Variants in ARHGEF11 observed in about 807,000 individuals in gnomAD.
ARHGEF11 encodes Rho guanine exchange factor (GEF) 11.
ARHGEF11 carries 55 observed loss-of-function variants against 193.7 expected under a neutral mutation model. The ratio of observed to expected loss-of-function variants is 0.28; its 90% CI spans 0.23 to 0.36. The LOEUF is 0.36. ARHGEF11 is among the 10% of genes least tolerant of loss of function. The pLI is 1.00. For synonymous variants in ARHGEF11, 693 were observed against 768.0 expected (o/e 0.90, Z 1.62); for missense variants, 1,723 against 2,005.6 (o/e 0.86, Z 2.69).
intron 1 of ARHGEF11, among the ~76,000 whole-genome samples, chr1:157,043,819 T>C (rs1000179255): frequency 6.6e-6 from 1 of 152,170 alleles, no homozygotes; most frequent in Admixed American, 6.5e-5. Flanking sequence ...CCTCTTCATT[T>C]CTAGAAATGG....
intron 22 of ARHGEF11, among the ~76,000 whole-genome samples, chr1:156,950,492 T>C (rs932764537): frequency 6.6e-6 from 1 of 151,626 alleles, no homozygotes; most frequent in Non-Finnish European, 1.5e-5. Context: ...AAAAATCAAT[T>C]AGCCAGGTGC....
intron 1 of ARHGEF11, among the ~76,000 whole-genome samples, chr1:156,994,533 C>T (rs568394564): frequency 1.3e-5 from 2 of 152,014 alleles, no homozygotes; most frequent in African/African-American, 4.8e-5. Context: ...GTAAACCTCA[C>T]CTTTCTACTT....
chr1:156,958,736 A>G lies in ARHGEF11; in HGVS notation c.1502+6T>C, dbSNP rs1660326752. 6.2e-7 allele frequency: 1 copy of G among 1,614,006 alleles called. No homozygotes were observed. The highest frequency in any genetic ancestry group is 8.5e-7 in the Non-Finnish European group (1 of 1,179,994). On this transcript the variant is annotated splice_donor_region_variant and intron_variant, in intron 17 of 40. Transcript: ENST00000368194. ...CAGTGGGGTGGGAGGAAGCTGAAAG[A>G]CTCACAAAATATCTCCAAGGGCAGC...
intron 29 of ARHGEF11, 131 bp downstream of exon 29, chr1:156,945,914 A>G: frequency 1.5e-6 from 1 of 684,048 alleles, no homozygotes; most frequent in South Asian, 1.9e-5. Flanking sequence ...GAAACACCCC[A>G]CAACAGAAAA....
At chr1:156,986,277 A>G in intron 1 of ARHGEF11, 104 bp from the exon 2 acceptor site, 1 of 937,416 alleles carries the variant, frequency 1.1e-6, no homozygotes, top group South Asian at 1.5e-5. Flanking sequence ...TTGGATAATG[A>G]GAGACCAACC....
chr1:157,013,263 T>TCACACACACACACACACA (rs71084208), intron 1 of ARHGEF11, among the ~76,000 whole-genome samples: 17 of 140,806 alleles, frequency 1.2e-4, no homozygotes, highest in Middle Eastern at 3.6e-3. Context: ...CCACTATCAC[T>TCACACACACACACACACA]CACACACACA....
chr1:156,987,524 A>C (rs1411873711), intron 1 of ARHGEF11, among the ~76,000 whole-genome samples: 1 of 152,222 alleles, frequency 6.6e-6, no homozygotes. Context: ...GGAAGAATAC[A>C]AAAGAAACAT....
chr1:157,024,635 T>C (rs1670426283), intron 1 of ARHGEF11, among the ~76,000 whole-genome samples: 1 of 152,076 alleles, frequency 6.6e-6, no homozygotes, highest in African/African-American at 2.4e-5. Flanking sequence ...AAATATCTTT[T>C]AATGTATTTA....
intron 1 of ARHGEF11, among the ~76,000 whole-genome samples, chr1:157,031,879 A>T (rs1342638989): frequency 6.6e-6 from 1 of 152,252 alleles, no homozygotes; most frequent in African/African-American, 2.4e-5. Context: ...CCACGTGTTA[A>T]GAGCTCTAAC....
chr1:156,984,504 C>T, intron 2 of ARHGEF11, 67 bp from the exon 3 acceptor site: 1 of 1,208,090 alleles, frequency 8.3e-7, no homozygotes, highest in Non-Finnish European at 1.2e-6. Context: ...ATGCCAAGAC[C>T]AACCCAGGGA....
chr1:156,950,089 T>C (rs1658845738), intron 22 of ARHGEF11, among the ~76,000 whole-genome samples: 2 of 152,346 alleles, frequency 1.3e-5, no homozygotes, highest in South Asian at 2.1e-4. Flanking sequence ...AATCTTAAAA[T>C]ATTTGATATA....
chr1:156,986,054 T>C (rs764907343), intron 2 of ARHGEF11, 28 bp downstream of exon 2: 1 of 1,592,804 alleles, frequency 6.3e-7, no homozygotes, highest in Admixed American at 1.7e-5. Context: ...CCTGGCTGTT[T>C]TTGTATGTTA....
At position 156,948,450 on chromosome 1, in the gene ARHGEF11, C is replaced by T. The variant is rs1013726792; in HGVS notation, c.1974G>A (p.Arg658=). ...CCTTTCGAGACCGTTTCATCTCTTC[C>T]CGGCCCTTGAGGCTTTCAGAGCGGC... ...RLGRSESLKG[R]EEMKRSRKAE... Residue 658 remains arginine (R), a synonymous_variant, in exon 23 of 41, where the codon CGG becomes CGA. Transcript: ENST00000368194. This position sits in a 1 kb window ranked among gnomAD's most constrained non-coding sequence, Gnocchi z 4.2. The T allele has an allele frequency of 6.2e-6, 10 of 1,614,250 alleles. No individual in the cohort carries two copies. The highest frequency in any genetic ancestry group is 8.5e-6 in the Non-Finnish European group (10 of 1,180,044).
At chr1:156,988,643 C>G (rs549228236) in intron 1 of ARHGEF11, among the ~76,000 whole-genome samples, 1 of 152,256 alleles carries the variant, frequency 6.6e-6, no homozygotes, top group Non-Finnish European at 1.5e-5. Flanking sequence ...GCAAATGAAC[C>G]AAAAGGTCCA....
At chr1:156,982,103 A>T (rs1664264725) in intron 3 of ARHGEF11, among the ~76,000 whole-genome samples, 1 of 152,158 alleles carries the variant, frequency 6.6e-6, no homozygotes, top group African/African-American at 2.4e-5. Flanking sequence ...ATTCCCTCTT[A>T]TACGTTCATT....
chr1:156,998,877 G>C (rs1666874251), intron 1 of ARHGEF11, among the ~76,000 whole-genome samples: 1 of 152,232 alleles, frequency 6.6e-6, no homozygotes, highest in Non-Finnish European at 1.5e-5. Context: ...TCAAGAGGAA[G>C]CCAGGAGACC....
chr1:156,980,300 T>G, intron 4 of ARHGEF11, 137 bp downstream of exon 4: 1 of 977,266 alleles, frequency 1.0e-6, no homozygotes, highest in Non-Finnish European at 1.6e-6. Context: ...TGCTCCCTCG[T>G]ATGGTACCAC....
At chr1:156,959,920 A>C (rs1557861853) in intron 15 of ARHGEF11, among the ~76,000 whole-genome samples, 2 of 123,420 alleles carry the variant, frequency 1.6e-5, no homozygotes, top group South Asian at 3.1e-4. Flanking sequence ...TAAAAACAAA[A>C]ATAACCCCCC....
At chr1:157,037,678 G>A (rs1672211838) in intron 1 of ARHGEF11, among the ~76,000 whole-genome samples, 1 of 152,128 alleles carries the variant, frequency 6.6e-6, no homozygotes, top group African/African-American at 2.4e-5. Flanking sequence ...TAACGATTCA[G>A]CAATTATGTA....
Sources: gnomAD v4.1 joint callset for allele counts (sites outside exome capture counted in the v4.1 genomes callset) on GRCh38, gnomAD v4.1.1 for gene constraint, Gnocchi (gnomAD v3.1) non-coding constraint, MANE v1.5 for transcripts, NCBI Gene and HGNC (gene_info 2026-07-23, HGNC 2026-07-21) for gene names.